Variants in TRIP12 observed in about 807,000 individuals in gnomAD.
The protein encoded by TRIP12 is E3 ubiquitin-protein ligase TRIP12.
A neutral mutation model predicts 244.2 loss-of-function variants in TRIP12; 25 were observed. The observed-to-expected ratio is 0.10, with a 90% CI of 0.07 to 0.14. TRIP12 has a LOEUF of 0.14. Among genes scored for constraint, TRIP12 ranks in the 10% least tolerant of loss-of-function variants. TRIP12 has a pLI of 1.00. For synonymous variants in TRIP12, 905 were observed against 873.1 expected, an observed-to-expected ratio of 1.04 and a Z score of -0.64; for missense variants, 1,677 against 2,486.4, an observed-to-expected ratio of 0.67 and a Z score of 6.92.
At chr2:229,894,099 G>A (rs182630434) in intron 1 of TRIP12, among the ~76,000 whole-genome samples, 4 of 152,242 alleles carry the variant, frequency 2.6e-5, no homozygotes, top group East Asian at 1.9e-4. Context: ...AGGCTGCAGC[G>A]AGCTGAGATG....
At chr2:229,808,014 G>A (rs1350156714) in intron 16 of TRIP12, 150 bp from the exon 17 acceptor site, 1 of 866,930 alleles carries the variant, frequency 1.2e-6, no homozygotes. Flanking sequence ...CGCCCAGGCT[G>A]GATGGCAGTG....
At position 229,859,417 on chromosome 2, in the gene TRIP12, G is replaced by C. The variant is rs1375231368; in HGVS notation, c.382C>G (p.Pro128Ala). 6.2e-7 allele frequency: 1 copy of C among 1,614,152 alleles called. No homozygotes were observed. Among genetic ancestry groups the C allele is most frequent in the Admixed American group, 1.7e-5 (1 of 60,014 alleles). The change falls in exon 4 of 42, where the codon CCT becomes GCT. Residue 128 changes from proline to alanine, a missense_variant. By Grantham distance (27) the Pro-to-Ala change is conservative (BLOSUM62 -1). Around this residue, in one of 11 missense-constraint regions of TRIP12, gnomAD observed 387 missense variants for 392.6 expected, o/e 0.99. Coordinates refer to ENST00000675903, the MANE Select transcript of TRIP12 (RefSeq NM_001348323.3). ...ASPDYNRTNSPSSAKKPKALQ... is the reference protein window; with the variant it reads ...ASPDYNRTNSASSAKKPKALQ... ...GCTTTTGGTTTTTTTGCAGAGCTAG[G>C]AGAATTGGTCCTGTTGTAGTCTGGA...
intron 8 of TRIP12, among the ~76,000 whole-genome samples, chr2:229,828,682 G>C (rs534682582): frequency 1.3e-5 from 2 of 152,128 alleles, no homozygotes; most frequent in South Asian, 4.2e-4. Flanking sequence ...GAGGTGGGAG[G>C]ACTGGACCCG....
At position 229,884,106 on chromosome 2, in the gene TRIP12, CA is replaced by C. The variant is rs1020196088; in HGVS notation, c.-49-3979del. On this transcript the variant is annotated intron_variant, in intron 1 of 41. Coordinates refer to ENST00000675903, the MANE Select transcript of TRIP12 (RefSeq NM_001348323.3). Reference sequence around the variant, plus strand: ...AGCCCAACTAATAGTGAGTCCATTTCAAAAAAAAAACCCAAAAACCTGTATG... The same window carrying C: ...AGCCCAACTAATAGTGAGTCCATTTCAAAAAAAAACCCAAAAACCTGTATG... 4.9e-4 allele frequency among the ~76,000 whole-genome samples: 69 copies of C among 140,354 alleles called. 1 individual carries two copies. The highest frequency in any genetic ancestry group is 2.3e-3 in the East Asian group (11 of 4,810). 92.1% of individuals were successfully genotyped at this position (140,354 alleles called of 152,430 possible).
intron 39 of TRIP12, among the ~76,000 whole-genome samples, chr2:229,770,769 C>A (rs1440554142): frequency 6.6e-6 from 1 of 152,176 alleles, no homozygotes. Flanking sequence ...CTTTCCCAGG[C>A]TATTCTCATA....
At chr2:229,847,541 A>T (rs1281102265) in intron 4 of TRIP12, among the ~76,000 whole-genome samples, 1 of 152,240 alleles carries the variant, frequency 6.6e-6, no homozygotes, top group East Asian at 1.9e-4. Context: ...GAAGAATGGA[A>T]GACACTATTG....
chr2:229,811,463 C>T (rs568453551), intron 13 of TRIP12, among the ~76,000 whole-genome samples: 1 of 151,834 alleles, frequency 6.6e-6, no homozygotes, highest in African/African-American at 2.4e-5. Flanking sequence ...AAAGGAAGAA[C>T]TATTATGCTT....
chr2:229,849,270 C>G (rs1034258654), intron 4 of TRIP12, among the ~76,000 whole-genome samples: 1 of 152,304 alleles, frequency 6.6e-6, no homozygotes, highest in Admixed American at 6.5e-5. Context: ...TGTTCCTTTA[C>G]GTGGCTCAGT....
intron 4 of TRIP12, among the ~76,000 whole-genome samples, chr2:229,841,988 C>T (rs1216273865): frequency 6.6e-6 from 1 of 152,194 alleles, no homozygotes; most frequent in Non-Finnish European, 1.5e-5. Context: ...TTACAGCAGA[C>T]TTAAAAGGAG....
rs917709442 is a variant in TRIP12 at position 229,774,342 on chromosome 2, A to T, written c.5530-81T>A. 29 of 1,404,686 alleles carry T rather than the reference A, an allele frequency of 2.1e-5. No individual in the cohort carries two copies. The African/African-American group carries it at 4.1e-4, about 20-fold the overall frequency. The allele number at this position is 1,404,686 out of a possible 1,614,324, so 87.0% of individuals were successfully genotyped here. ...TTAAAAAAATAAAAGATATCCTAAT[A>T]AAATATAAGCTATCCTAATAAAGCT... On this transcript the variant is annotated intron_variant, in intron 37 of 41. Coordinates refer to ENST00000675903, the MANE Select transcript of TRIP12 (RefSeq NM_001348323.3).
At chr2:229,922,559 G>A, upstream of TRIP12, 6 of 1,614,098 alleles carry the variant, frequency 3.7e-6, no homozygotes, top group Non-Finnish European at 5.1e-6. Flanking sequence ...TGTAGGACAA[G>A]GCCCGCCGCC....
intron 1 of TRIP12, among the ~76,000 whole-genome samples, chr2:229,887,971 A>G (rs976790517): frequency 6.6e-6 from 1 of 152,176 alleles, no homozygotes; most frequent in Non-Finnish European, 1.5e-5. Flanking sequence ...GTTATCAGTA[A>G]TCTCATTCTA....
chr2:229,860,715 C>T (rs1163247150), intron 2 of TRIP12, among the ~76,000 whole-genome samples, 184 bp from the exon 3 acceptor site: 2 of 152,022 alleles, frequency 1.3e-5, no homozygotes, highest in African/African-American at 2.4e-5. Context: ...AAAGAAATTG[C>T]CTCTCAGAAC....
At chr2:229,890,639 A>G (rs918667355) in intron 1 of TRIP12, among the ~76,000 whole-genome samples, 3 of 152,194 alleles carry the variant, frequency 2.0e-5, no homozygotes, top group Non-Finnish European at 2.9e-5. Context: ...GGGAGAAAAT[A>G]CAGACTGTAA....
chr2:229,813,071 G>T (rs570300330), intron 13 of TRIP12, among the ~76,000 whole-genome samples: 11 of 152,152 alleles, frequency 7.2e-5, no homozygotes, highest in African/African-American at 2.6e-4. Flanking sequence ...TTATCATCAG[G>T]TCCATTGATT....
At chr2:229,857,931 A>C (rs1010933242) in intron 4 of TRIP12, among the ~76,000 whole-genome samples, 1 of 152,264 alleles carries the variant, frequency 6.6e-6, no homozygotes, top group Non-Finnish European at 1.5e-5. Context: ...GTAGTGAAAC[A>C]TAAGTAGTAT....
chr2:229,865,777 T>G (rs1246355197), intron 2 of TRIP12, among the ~76,000 whole-genome samples: 3 of 152,214 alleles, frequency 2.0e-5, no homozygotes, highest in Non-Finnish European at 4.4e-5. Flanking sequence ...TGGTGGAAAG[T>G]TCACTTTAAA....
At chr2:229,799,204 G>T in intron 22 of TRIP12, 79 bp downstream of exon 22, 1 of 1,538,000 alleles carries the variant, frequency 6.5e-7, no homozygotes, top group Non-Finnish European at 9.0e-7. Context: ...AAGAGCTACT[G>T]GCAGTTTTAA....
At chr2:229,822,252 CAG>C (rs10558724) in intron 8 of TRIP12, among the ~76,000 whole-genome samples, 8,681 of 152,262 alleles carry the variant, frequency 0.057, 827 homozygotes, top group African/African-American at 0.2. Flanking sequence ...AACATCTCAA[CAG>C]AGAGAGTAGG....
Sources: gnomAD v4.1 joint callset for allele counts (sites outside exome capture counted in the v4.1 genomes callset) on GRCh38, gnomAD v4.1.1 for gene constraint, gnomAD v4.1.1 regional missense constraint, MANE v1.5 for transcripts, NCBI Gene and HGNC (gene_info 2026-07-23, HGNC 2026-07-21) for gene names.